CDH13: variants seen among roughly 807,000 people sequenced by gnomAD.
The protein encoded by CDH13 is cadherin 13.
Under a neutral mutation model 63.8 loss-of-function variants are expected in CDH13, and 24 were observed. The ratio of observed to expected loss-of-function variants is 0.38; its 90% CI spans 0.27 to 0.53. CDH13 has a LOEUF of 0.53. CDH13 is among the 20% of genes least tolerant of loss of function. The probability of loss-of-function intolerance (pLI) is 0.85; values close to 1 mark genes in which losing one functional copy is unlikely to be tolerated. For missense variants in CDH13, 1,049 were observed against 903.1 expected (o/e 1.16, Z -2.07); for synonymous variants, 503 against 355.3 (o/e 1.42, Z -4.67).
intron 1 of CDH13, among the ~76,000 whole-genome samples, chr16:82,837,178 C>A (rs1567585250): frequency 1.3e-5 from 2 of 152,146 alleles, no homozygotes; most frequent in Non-Finnish European, 2.9e-5. Context: ...GGAGTTAGGC[C>A]ACGTGGATTT....
chr16:83,050,044 A>G (rs868095237), intron 3 of CDH13, among the ~76,000 whole-genome samples: 10 of 152,188 alleles, frequency 6.6e-5, no homozygotes, highest in Admixed American at 2.6e-4. Flanking sequence ...ATAATTTATG[A>G]TGATTGAATG....
chr16:83,337,353 T>G (rs979165451), intron 5 of CDH13, among the ~76,000 whole-genome samples: 5 of 152,130 alleles, frequency 3.3e-5, no homozygotes, highest in African/African-American at 1.2e-4. Context: ...CCCTTCTGGC[T>G]CCTGTGGTTT....
chr16:83,691,633 C>G (rs1034201346), intron 10 of CDH13, among the ~76,000 whole-genome samples: 1 of 152,070 alleles, frequency 6.6e-6, no homozygotes, highest in Non-Finnish European at 1.5e-5. Flanking sequence ...CAGTTCCGTA[C>G]AACGGTGCTG....
intron 3 of CDH13, among the ~76,000 whole-genome samples, chr16:83,035,448 A>G (rs758455368): frequency 6.6e-6 from 1 of 152,068 alleles, no homozygotes; most frequent in Non-Finnish European, 1.5e-5. Context: ...GACTCACGTA[A>G]CCTCCTTAGC....
intron 4 of CDH13, among the ~76,000 whole-genome samples, chr16:83,158,504 G>A (rs1461216877): frequency 1.3e-5 from 2 of 152,234 alleles, no homozygotes; most frequent in African/African-American, 4.8e-5. Context: ...CTGTCCAGCA[G>A]GTCACAGACC....
At chr16:83,602,415 C>A in intron 7 of CDH13, 39 bp from the exon 8 acceptor site, 1 of 1,612,558 alleles carries the variant, frequency 6.2e-7, no homozygotes, top group South Asian at 1.1e-5. Context: ...TAACCCAAAT[C>A]TAAATGTCAT....
rs377510230 is a variant in CDH13 at position 83,371,278 on chromosome 16, A to C, written c.781+26272A>C. Among the ~76,000 whole-genome samples, 368 of 152,236 alleles carry C rather than the reference A, an allele frequency of 2.4e-3. 3 individuals are homozygous for C. The highest frequency in any genetic ancestry group is 8.6e-3 in the African/African-American group (357 of 41,550). ...GCCCCATGGCCTTTCTTTTTAAATC[A>C]TTACCCTCTCCTTCCTGCATCTTCA... On this transcript the variant is annotated intron_variant, in intron 6 of 13. Coordinates refer to ENST00000567109, the MANE Select transcript of CDH13 (RefSeq NM_001257.5).
intron 1 of CDH13, among the ~76,000 whole-genome samples, chr16:82,747,152 G>A (rs1437363526): frequency 2.0e-5 from 3 of 152,124 alleles, no homozygotes; most frequent in Non-Finnish European, 4.4e-5. Flanking sequence ...GTTGTACCAT[G>A]ATGACTGCCC....
intron 2 of CDH13, among the ~76,000 whole-genome samples, chr16:83,022,217 G>C (rs1343099595): frequency 2.0e-5 from 3 of 152,170 alleles, no homozygotes; most frequent in Non-Finnish European, 2.9e-5. Flanking sequence ...TTGTCAGAAA[G>C]ACATTGTCAT....
At chr16:83,226,596 A>G (rs1567521078) in intron 5 of CDH13, among the ~76,000 whole-genome samples, 2 of 152,188 alleles carry the variant, frequency 1.3e-5, no homozygotes, top group Admixed American at 6.5e-5. Context: ...TCTAACTACA[A>G]CCAGGTCTAC....
intron 3 of CDH13, among the ~76,000 whole-genome samples, chr16:83,116,814 A>T (rs2151630173): frequency 6.6e-6 from 1 of 152,288 alleles, no homozygotes; most frequent in South Asian, 2.1e-4. Context: ...TGCAGGCGAG[A>T]GGGGCTCCAG....
At chr16:82,645,610 ACT>A (rs920878427) in intron 1 of CDH13, among the ~76,000 whole-genome samples, 12 of 151,780 alleles carry the variant, frequency 7.9e-5, no homozygotes, top group African/African-American at 2.2e-4. Context: ...GAGGTGGAAA[ACT>A]CTGATCCAAA....
intron 6 of CDH13, among the ~76,000 whole-genome samples, chr16:83,482,716 C>T (rs530245101): frequency 6.6e-6 from 1 of 152,254 alleles, no homozygotes; most frequent in Admixed American, 6.5e-5. Context: ...ACTAGAGGAC[C>T]ACGTGGAGAC....
intron 7 of CDH13, among the ~76,000 whole-genome samples, chr16:83,509,110 C>T (rs2074495072): frequency 6.6e-6 from 1 of 152,218 alleles, no homozygotes; most frequent in South Asian, 2.1e-4. Context: ...CCCCTTCTTC[C>T]CCAGCCCCCA....
At chr16:82,650,064 A>T (rs1910547683) in intron 1 of CDH13, among the ~76,000 whole-genome samples, 2 of 152,186 alleles carry the variant, frequency 1.3e-5, no homozygotes, top group Non-Finnish European at 2.9e-5. Context: ...AGTCACTTAA[A>T]GAATGTTCTC....
intron 7 of CDH13, among the ~76,000 whole-genome samples, chr16:83,522,331 C>A (rs763432777): frequency 6.6e-6 from 1 of 152,254 alleles, no homozygotes; most frequent in African/African-American, 2.4e-5. Context: ...GGAGTGTATA[C>A]GTCCATCTTA....
At chr16:83,278,260 C>T (rs1267421191) in intron 5 of CDH13, among the ~76,000 whole-genome samples, 1 of 152,196 alleles carries the variant, frequency 6.6e-6, no homozygotes, top group Admixed American at 6.5e-5. Flanking sequence ...CTTTATCTCT[C>T]ATTCCCAAAG....
chr16:83,798,840 A>G lies in CDH13; in HGVS notation c.*3810A>G, dbSNP rs1567604553. ...TGTTACCTATTATTAAGTTCATGCT[A>G]TACTTCTTCAATCTGAAAGCTTTCT... On this transcript the variant is annotated 3_prime_UTR_variant, in exon 14 of 14. Coordinates refer to ENST00000567109, the MANE Select transcript of CDH13 (RefSeq NM_001257.5). 1.3e-5 allele frequency: 2 copies of G among 150,200 alleles called. No homozygotes were observed. The highest frequency in any genetic ancestry group is 1.9e-4 in the East Asian group (1 of 5,174). The allele number at this position is 150,200 out of a possible 1,614,324, so 9.3% of individuals were successfully genotyped here.
chr16:83,741,541 A>G (rs1421176885), intron 10 of CDH13, among the ~76,000 whole-genome samples: 1 of 151,856 alleles, frequency 6.6e-6, no homozygotes, highest in African/African-American at 2.4e-5. Flanking sequence ...TATATATGCC[A>G]TATATAGAGA....
Sources: gnomAD v4.1 joint callset for allele counts (sites outside exome capture counted in the v4.1 genomes callset) on GRCh38, gnomAD v4.1.1 for gene constraint, MANE v1.5 for transcripts, NCBI Gene and HGNC (gene_info 2026-07-23, HGNC 2026-07-21) for gene names.